SLC26A5: variants seen among roughly 807,000 people sequenced by gnomAD.
SLC26A5 encodes the protein prestin.
SLC26A5 carries 51 observed loss-of-function variants against 81.0 expected under a neutral mutation model. The ratio of observed to expected loss-of-function variants is 0.63; its 90% CI spans 0.50 to 0.80. The LOEUF is 0.80. Among genes scored for constraint, SLC26A5 ranks in the 30% least tolerant of loss-of-function variants. The pLI, the probability that SLC26A5 is intolerant of heterozygous loss-of-function variation, is 0.00. For missense variants in SLC26A5, 771 were observed against 905.8 expected (o/e 0.85, Z 1.91); for synonymous variants, 325 against 332.8 (o/e 0.98, Z 0.25).
chr7:103,410,581 A>G, intron 6 of SLC26A5, 32 bp from the exon 7 acceptor site: 1 of 1,569,736 alleles, frequency 6.4e-7, no homozygotes, highest in South Asian at 1.1e-5. Context: ...GAAACAAATG[A>G]ATCACATGAT....
chr7:103,437,602 TA>T (rs1200066681), intron 2 of SLC26A5, among the ~76,000 whole-genome samples: 1 of 152,170 alleles, frequency 6.6e-6, no homozygotes, highest in African/African-American at 2.4e-5. Context: ...GATTCAGCCT[TA>T]AAAAAGAAAG....
chr7:103,443,963 GAA>G (rs999917292), intron 1 of SLC26A5, among the ~76,000 whole-genome samples: 1 of 152,138 alleles, frequency 6.6e-6, no homozygotes, highest in Non-Finnish European at 1.5e-5. Flanking sequence ...TCCAGATTTT[GAA>G]AGAGTCCTGT....
At chr7:103,405,089 T>G (rs1823926982) in intron 8 of SLC26A5, among the ~76,000 whole-genome samples, 1 of 152,186 alleles carries the variant, frequency 6.6e-6, no homozygotes, top group Admixed American at 6.5e-5. Context: ...CCTCTAACCT[T>G]TTTTCAAGGT....
intron 6 of SLC26A5, among the ~76,000 whole-genome samples, 164 bp from the exon 7 acceptor site, chr7:103,410,713 C>T (rs1339934110): frequency 3.9e-5 from 6 of 152,064 alleles, no homozygotes; most frequent in Admixed American, 2.6e-4. Context: ...TCACTGCAAC[C>T]TCTGCCTCCC....
intron 7 of SLC26A5, 113 bp downstream of exon 7, chr7:103,410,272 G>A: frequency 1.1e-6 from 1 of 936,496 alleles, no homozygotes; most frequent in South Asian, 1.4e-5. Flanking sequence ...CCTTTTTATG[G>A]AAATTACTGG....
At chr7:103,355,780 T>C in intron 19 of SLC26A5, 1 of 1,613,528 alleles carries the variant, frequency 6.2e-7, no homozygotes, top group Non-Finnish European at 8.5e-7. Flanking sequence ...TGAACAGCCT[T>C]TACAGGTTGC....
chr7:103,372,838 A>G (rs1341552096), downstream of SLC26A5, among the ~76,000 whole-genome samples: 1 of 151,496 alleles, frequency 6.6e-6, no homozygotes, highest in Admixed American at 6.6e-5. Context: ...TTAAAACTAT[A>G]AAAATTCACA....
Position 103,380,536 on chromosome 7 carries a change from C to T in SLC26A5, c.1528G>A (p.Val510Ile), listed in dbSNP as rs753265647. The change falls in exon 15 of 20, where the codon GTC (valine) becomes ATC (isoleucine). Residue 510 changes from valine (V) to isoleucine (I), a missense_variant. Coordinates refer to ENST00000306312, the MANE Select transcript of SLC26A5 (RefSeq NM_198999.3). ...TCAGTTTCAGGAAGCTTTCCAAGGA[C>T]TTTGTAGCTTGGACTGAAGATAAAG... is the stretch of plus-strand genomic sequence containing the variant. ...IYRTQSPSYK[V>I]LGKLPETDVY... 2 of 1,613,536 alleles carry T rather than the reference C, an allele frequency of 1.2e-6. No individual in the cohort carries two copies. The highest frequency in any genetic ancestry group is 2.7e-5 in the African/African-American group (2 of 74,850).
chr7:103,406,990 G>A (rs769263860), intron 8 of SLC26A5, among the ~76,000 whole-genome samples: 2 of 152,234 alleles, frequency 1.3e-5, no homozygotes, highest in African/African-American at 4.8e-5. Context: ...TCCCACACAC[G>A]TGCAAACAAG....
At chr7:103,363,029 A>G (rs1820505259) in intron 19 of SLC26A5, among the ~76,000 whole-genome samples, 1 of 152,108 alleles carries the variant, frequency 6.6e-6, no homozygotes, top group Non-Finnish European at 1.5e-5. Context: ...CATGACCTCA[A>G]GTGTTTGGCC....
At chr7:103,437,770 T>C (rs573923818) in intron 2 of SLC26A5, among the ~76,000 whole-genome samples, 1 of 152,184 alleles carries the variant, frequency 6.6e-6, no homozygotes, top group East Asian at 1.9e-4. Context: ...GACCAGAGGC[T>C]AGGTCATGGG....
At chr7:103,429,516 A>G (rs182901946) in intron 2 of SLC26A5, among the ~76,000 whole-genome samples, 1 of 152,352 alleles carries the variant, frequency 6.6e-6, no homozygotes, top group East Asian at 1.9e-4. Context: ...ACCCAGAAAA[A>G]ACATATTTTC....
intron 19 of SLC26A5, chr7:103,362,669 CT>C (rs1364028062): frequency 1.3e-6 from 2 of 1,585,298 alleles, no homozygotes; most frequent in Non-Finnish European, 1.7e-6. Flanking sequence ...TAATGACTAT[CT>C]TTTTTACTTC....
In SLC26A5 at chr7:103,443,110, G is replaced by C. The variant is rs1047920279; in HGVS notation, c.-81C>G. ...AGATCCAATGTGCAGCACAAAAGTC[G>C]GGACAGGGGACAAGATCCCCCGCTG... On this transcript the variant is annotated 5_prime_UTR_variant, in exon 2 of 20. Transcript: ENST00000306312. 3.9e-5 allele frequency: 6 copies of C among 152,218 alleles called. No homozygotes were observed. In the East Asian group the frequency reaches 9.6e-4, roughly 24 times the overall value. The allele number at this position is 152,218 out of a possible 1,614,324, so 9.4% of individuals were successfully genotyped here.
At chr7:103,438,497 C>CA (rs1277788756) in intron 2 of SLC26A5, among the ~76,000 whole-genome samples, 1 of 151,754 alleles carries the variant, frequency 6.6e-6, no homozygotes, top group Non-Finnish European at 1.5e-5. Context: ...GGATTACAGG[C>CA]ATGTGCCACC....
intron 5 of SLC26A5, among the ~76,000 whole-genome samples, chr7:103,411,995 T>G (rs1452141371): frequency 6.6e-6 from 1 of 152,042 alleles, no homozygotes; most frequent in Non-Finnish European, 1.5e-5. Flanking sequence ...AGTCACCATG[T>G]GTAAGAAAGC....
At chr7:103,405,605 G>A (rs907315725) in intron 8 of SLC26A5, among the ~76,000 whole-genome samples, 12 of 152,164 alleles carry the variant, frequency 7.9e-5, no homozygotes, top group African/African-American at 2.7e-4. Context: ...AGATCCCCTG[G>A]ATGAGGTGTC....
At chr7:103,429,986 C>A (rs17143710) in intron 2 of SLC26A5, among the ~76,000 whole-genome samples, 11,814 of 152,158 alleles carry the variant, frequency 0.078, 553 homozygotes, top group South Asian at 0.11. Flanking sequence ...AATTCCTCTG[C>A]CAAAGGACTC....
intron 10 of SLC26A5, 83 bp from the exon 11 acceptor site, chr7:103,391,818 G>T: frequency 1.0e-6 from 1 of 992,546 alleles, no homozygotes; most frequent in Non-Finnish European, 1.6e-6. Context: ...AATACACATT[G>T]TCAGCACTAC....
Sources: allele counts gnomAD v4.1 joint callset (sites outside exome capture counted in the v4.1 genomes callset), GRCh38; gene constraint gnomAD v4.1.1; transcripts MANE v1.5; gene names NCBI Gene and HGNC (gene_info 2026-07-23, HGNC 2026-07-21).